TTC34: variants seen among roughly 807,000 people sequenced by gnomAD.
TTC34 encodes tetratricopeptide repeat domain 34, also known as tetratricopeptide repeat protein 34.
TTC34 carries 44 observed loss-of-function variants against 40.7 expected under a neutral mutation model. That is an observed-to-expected ratio of 1.08 (90% CI 0.85 to 1.39). The LOEUF (loss-of-function observed/expected upper bound fraction) is 1.39. TTC34 is among the 40% of genes most tolerant of loss of function. The pLI, the probability that TTC34 is intolerant of heterozygous loss-of-function variation, is 0.00. For synonymous variants in TTC34, 422 were observed against 398.6 expected, an observed-to-expected ratio of 1.06 and a Z score of -0.70; for missense variants, 884 against 838.0, an observed-to-expected ratio of 1.05 and a Z score of -0.68.
chr1:2,785,455 T>C (rs1643570044), intron 5 of TTC34, among the ~76,000 whole-genome samples: 1 of 152,102 alleles, frequency 6.6e-6, no homozygotes, highest in African/African-American at 2.4e-5. Context: ...GAGGAGCCTG[T>C]CACTATTTCT....
intron 4 of TTC34, 42 bp downstream of exon 4, chr1:2,787,439 C>A: frequency 7.0e-7 from 1 of 1,438,460 alleles, no homozygotes; most frequent in South Asian, 1.5e-5. Flanking sequence ...CCCAGCTGGG[C>A]CCATTTCCAC....
intron 6 of TTC34, among the ~76,000 whole-genome samples, chr1:2,680,298 CA>C (rs2100308574): frequency 8.2e-5 from 1 of 12,206 alleles, no homozygotes; most frequent in South Asian, 2.3e-3. Flanking sequence ...GCAGCACCCA[CA>C]AACCCAGGCG....
chr1:2,782,912 A>G (rs1379765859), intron 6 of TTC34, among the ~76,000 whole-genome samples: 1 of 152,216 alleles, frequency 6.6e-6, no homozygotes, highest in Non-Finnish European at 1.5e-5. Context: ...TGAGTCCCTC[A>G]GAGTCAGACC....
chr1:2,651,653 C>A (rs1639137610), intron 6 of TTC34, among the ~76,000 whole-genome samples: 1 of 151,220 alleles, frequency 6.6e-6, no homozygotes, highest in African/African-American at 2.4e-5. Context: ...AGGAGGGCAT[C>A]TGACAGCCTG....
intron 6 of TTC34, among the ~76,000 whole-genome samples, chr1:2,685,289 G>T (rs1194579274): frequency 2.8e-5 from 3 of 108,348 alleles, no homozygotes; most frequent in Admixed American, 9.7e-5. Context: ...CCCCAGGTGA[G>T]CATCCCACAG....
chr1:2,690,583 CA>C (rs1640573000), intron 6 of TTC34, among the ~76,000 whole-genome samples: 1 of 148,900 alleles, frequency 6.7e-6, no homozygotes. Context: ...CCCACACCCC[CA>C]GGGGAGCATC....
intron 6 of TTC34, among the ~76,000 whole-genome samples, chr1:2,656,251 C>G (rs1325897853): frequency 6.6e-6 from 1 of 151,270 alleles, no homozygotes; most frequent in African/African-American, 2.5e-5. Flanking sequence ...GAACAGCACA[C>G]ACACACCCAG....
exon 9 of TTC34, chr1:2,641,048 G>A: frequency 6.1e-6 from 1 of 165,208 alleles, no homozygotes. Flanking sequence ...GTGTGGGGAG[G>A]GCTGGGAAGG....
intron 6 of TTC34, chr1:2,775,516 C>T (rs1264301904): frequency 5.4e-5 from 8 of 147,632 alleles, no homozygotes; most frequent in Non-Finnish European, 1.0e-4. Context: ...CCTCCACCAC[C>T]AGATGAGCAT....
intron 2 of TTC34, among the ~76,000 whole-genome samples, chr1:2,794,318 TTTA>T (rs1643693100): frequency 6.6e-6 from 1 of 152,214 alleles, no homozygotes; most frequent in South Asian, 2.1e-4. Flanking sequence ...ATAGGTATTC[TTTA>T]TTATCTTTCA....
intron 6 of TTC34, among the ~76,000 whole-genome samples, chr1:2,693,973 G>C (rs1305470421): frequency 1.2e-5 from 1 of 81,432 alleles, no homozygotes; most frequent in Non-Finnish European, 2.6e-5. Context: ...TGACAGCCTG[G>C]AACAGCACGC....
intron 6 of TTC34, among the ~76,000 whole-genome samples, chr1:2,683,792 A>C (rs1169473770): frequency 6.7e-6 from 1 of 148,324 alleles, no homozygotes; most frequent in Non-Finnish European, 1.5e-5. Context: ...CAGCACGCAC[A>C]CCCCCAGTTG....
chr1:2,748,769 G>A (rs1641226453), intron 6 of TTC34, among the ~76,000 whole-genome samples: 1 of 133,386 alleles, frequency 7.5e-6, no homozygotes, highest in African/African-American at 3.2e-5. Flanking sequence ...ACCCCTAGGA[G>A]AGCATCCGGC....
chr1:2,684,684 T>G (rs1203673936), intron 6 of TTC34, among the ~76,000 whole-genome samples: 1 of 106,388 alleles, frequency 9.4e-6, no homozygotes, highest in Non-Finnish European at 1.8e-5. Context: ...CACGCCCAGG[T>G]GAGCATCTGA....
chr1:2,764,487 G>T (rs1641739175), intron 6 of TTC34, among the ~76,000 whole-genome samples: 1 of 149,912 alleles, frequency 6.7e-6, no homozygotes, highest in African/African-American at 2.4e-5. Flanking sequence ...TGACAGCCTG[G>T]AGCAGCGTCC....
In TTC34 at chr1:2,755,654, C is replaced by G. The variant is rs1641479305; in HGVS notation, c.2226+27955G>C. Among the ~76,000 whole-genome samples, 5 of 121,526 alleles carry G rather than the reference C, an allele frequency of 4.1e-5. 2 individuals are homozygous for G. The highest frequency in any genetic ancestry group is 3.3e-4 in the Admixed American group (4 of 12,028). The allele number at this position is 121,526 out of a possible 152,430, so 79.7% of individuals were successfully genotyped here. On this transcript the variant is annotated intron_variant, in intron 6 of 8. Transcript: ENST00000401095. ...GTGCGCATCTGATGGTCTGGAGCAG[C>G]ACCCACAACCACAGGTGAGCATCTG... is the stretch of plus-strand genomic sequence containing the variant.
chr1:2,695,061 A>T (rs1257461485), intron 6 of TTC34, among the ~76,000 whole-genome samples: 22 of 103,948 alleles, frequency 2.1e-4, no homozygotes, highest in African/African-American at 7.2e-4. Flanking sequence ...ACACACTGAA[A>T]CAGCACACAC....
intron 6 of TTC34, among the ~76,000 whole-genome samples, chr1:2,750,601 C>G (rs1451874037): frequency 3.1e-4 from 16 of 52,360 alleles, no homozygotes; most frequent in African/African-American, 1.2e-3. Flanking sequence ...AGCAGCACCC[C>G]ACACCCACAG....
intron 8 of TTC34, among the ~76,000 whole-genome samples, chr1:2,642,918 A>G (rs563896080): frequency 6.6e-6 from 1 of 152,338 alleles, no homozygotes; most frequent in East Asian, 1.9e-4. Context: ...AGCGGCGCTG[A>G]GCAGGGCAGG....
Sources: allele counts gnomAD v4.1 joint callset (sites outside exome capture counted in the v4.1 genomes callset), GRCh38; gene constraint gnomAD v4.1.1; transcripts MANE v1.5; gene names NCBI Gene and HGNC (gene_info 2026-07-23, HGNC 2026-07-21).